SPATA16: variants seen among roughly 807,000 people sequenced by gnomAD.
SPATA16 encodes spermatogenesis-associated protein 16.
A neutral mutation model predicts 63.3 loss-of-function variants in SPATA16; 36 were observed. The observed-to-expected ratio is 0.57, with a 90% CI of 0.44 to 0.75. The LOEUF (loss-of-function observed/expected upper bound fraction) is 0.75. Ranked by LOEUF, SPATA16 falls within the 30% of genes least tolerant of loss-of-function variation. The probability of loss-of-function intolerance (pLI) is 0.00; values close to 1 mark genes in which losing one functional copy is unlikely to be tolerated. For missense variants in SPATA16, 646 were observed against 679.3 expected (o/e 0.95, Z 0.54); for synonymous variants, 203 against 216.7 (o/e 0.94, Z 0.56).
chr3:172,944,827 G>A (rs988204634), intron 6 of SPATA16, among the ~76,000 whole-genome samples: 2 of 152,184 alleles, frequency 1.3e-5, no homozygotes, highest in African/African-American at 4.8e-5. Context: ...GATCTGGGGG[G>A]AGAAGAAAAT....
At position 173,049,838 on chromosome 3, in the gene SPATA16, A is replaced by G. The variant is rs185098154; in HGVS notation, c.613-744T>C. Among the ~76,000 whole-genome samples the G allele has an allele frequency of 8.5e-5, 13 of 152,228 alleles. No homozygotes were observed. The East Asian group carries it at 1.9e-3, about 23-fold the overall frequency. On this transcript the variant is annotated intron_variant, in intron 2 of 10. Coordinates refer to ENST00000351008, the MANE Select transcript of SPATA16 (RefSeq NM_031955.6). ...CCCCAAACATTATGAAGTGTCAATA[A>G]TATGACAAGGGAAGATCGGCACTTT...
intron 6 of SPATA16, among the ~76,000 whole-genome samples, chr3:172,926,947 G>A (rs1732750414): frequency 6.6e-6 from 1 of 152,132 alleles, no homozygotes; most frequent in Non-Finnish European, 1.5e-5. Flanking sequence ...ATTGAATGAT[G>A]GTTTAGTTAA....
chr3:173,002,034 A>G lies in SPATA16; in HGVS notation c.848+17452T>C, dbSNP rs146069454. Among the ~76,000 whole-genome samples the G allele has an allele frequency of 8.1e-4, 124 of 152,296 alleles. 1 individual carries two copies. The highest frequency in any genetic ancestry group is 2.9e-3 in the African/African-American group (121 of 41,570). ...AGAGCTTTTTTTATTTATCTGCCAC[A>G]CATTTATCTATCAAATTATTTTTAT... On this transcript the variant is annotated intron_variant, in intron 4 of 10. Coordinates refer to ENST00000351008, the MANE Select transcript of SPATA16 (RefSeq NM_031955.6).
chr3:172,977,816 CAT>C (rs1216721779), intron 4 of SPATA16, among the ~76,000 whole-genome samples: 1 of 152,106 alleles, frequency 6.6e-6, no homozygotes, highest in East Asian at 1.9e-4. Context: ...GCCAATTAAA[CAT>C]ATAATAATCC....
At chr3:172,968,130 T>A (rs1219413892) in intron 5 of SPATA16, among the ~76,000 whole-genome samples, 1 of 152,176 alleles carries the variant, frequency 6.6e-6, no homozygotes, top group African/African-American at 2.4e-5. Flanking sequence ...CTGTATCAGC[T>A]CTGTTGCCTG....
Position 173,018,357 on chromosome 3 carries a change from C to A in SPATA16, c.848+1129G>T, listed in dbSNP as rs1008464712. On this transcript the variant is annotated intron_variant, in intron 4 of 10. Transcript: ENST00000351008. The stretch of plus-strand genomic sequence containing the variant: ...TGGCGCGATCTCGGCTCACCACAAC[C>A]TCTACCTCCTGGGTTCAAGCGATTC... Among the ~76,000 whole-genome samples, 9 of 151,774 alleles carry A rather than the reference C, an allele frequency of 5.9e-5. No individual in the cohort carries two copies. The East Asian group carries it at 1.7e-3, about 30-fold the overall frequency.
intron 4 of SPATA16, among the ~76,000 whole-genome samples, chr3:172,983,471 T>C (rs1466477784): frequency 6.6e-6 from 1 of 152,130 alleles, no homozygotes; most frequent in Non-Finnish European, 1.5e-5. Context: ...ACCTATTTCA[T>C]GTATGTAATT....
intron 1 of SPATA16, among the ~76,000 whole-genome samples, chr3:173,132,165 T>C (rs914488264): frequency 6.6e-6 from 1 of 152,104 alleles, no homozygotes; most frequent in Non-Finnish European, 1.5e-5. Flanking sequence ...AGTTGAGAAA[T>C]ATACTCTTGG....
intron 5 of SPATA16, among the ~76,000 whole-genome samples, chr3:172,968,198 C>T (rs2108244776): frequency 6.6e-6 from 1 of 152,334 alleles, no homozygotes; most frequent in South Asian, 2.1e-4. Context: ...GCAAGTGAAG[C>T]ACGCTGCCCC....
intron 1 of SPATA16, among the ~76,000 whole-genome samples, chr3:173,137,754 G>T (rs1307408310): frequency 1.3e-5 from 2 of 149,432 alleles, no homozygotes; most frequent in Non-Finnish European, 3.0e-5. Context: ...ACCTAAGAAG[G>T]TTCAGAAGCC....
intron 3 of SPATA16, among the ~76,000 whole-genome samples, chr3:173,025,077 T>A (rs1418361648): frequency 6.6e-6 from 1 of 151,070 alleles, no homozygotes; most frequent in Non-Finnish European, 1.5e-5. Context: ...CTTTTACTGT[T>A]AATTTCCCAT....
At chr3:173,118,766 G>A (rs1577184335) in intron 1 of SPATA16, among the ~76,000 whole-genome samples, 1 of 152,120 alleles carries the variant, frequency 6.6e-6, no homozygotes, top group South Asian at 2.1e-4. Context: ...ACCTTCCTAG[G>A]ACTGCCACTT....
intron 10 of SPATA16, among the ~76,000 whole-genome samples, chr3:172,912,503 A>G (rs569650163): frequency 4.6e-5 from 7 of 152,080 alleles, no homozygotes; most frequent in Non-Finnish European, 1.0e-4. Context: ...TGAAATGTGT[A>G]GGTCCATTTA....
intron 10 of SPATA16, among the ~76,000 whole-genome samples, chr3:172,907,947 C>G (rs1732279965): frequency 6.6e-6 from 1 of 152,168 alleles, no homozygotes; most frequent in Admixed American, 6.5e-5. Context: ...GCATGATATG[C>G]TCCCTCCTCT....
chr3:173,124,253 T>C (rs1738166133), intron 1 of SPATA16, among the ~76,000 whole-genome samples: 1 of 152,240 alleles, frequency 6.6e-6, no homozygotes, highest in African/African-American at 2.4e-5. Context: ...TCTTTTATTA[T>C]TTATTAACTG....
intron 3 of SPATA16, among the ~76,000 whole-genome samples, chr3:173,034,458 C>T (rs1282842994): frequency 6.6e-6 from 1 of 152,120 alleles, no homozygotes; most frequent in African/African-American, 2.4e-5. Context: ...TAAAATTACT[C>T]ATATTAACAT....
Position 173,055,521 on chromosome 3 carries a change from T to TCAC in SPATA16, c.613-6428_613-6427insGTG, listed in dbSNP as rs1240956381. 3.3e-5 allele frequency among the ~76,000 whole-genome samples: 5 copies of TCAC among 152,234 alleles called. No homozygotes were observed. In the East Asian group the frequency reaches 7.7e-4, roughly 23 times the overall value. The stretch of plus-strand genomic sequence containing the variant: ...ATATGCTGAGTAAAAAAATCTGATC[T>TCAC]CAAACTGTTACATACAATATGATTA... On this transcript the variant is annotated intron_variant, in intron 2 of 10. Coordinates refer to ENST00000351008, the MANE Select transcript of SPATA16 (RefSeq NM_031955.6).
intron 2 of SPATA16, among the ~76,000 whole-genome samples, chr3:173,089,647 C>T (rs963383943): frequency 6.6e-6 from 1 of 152,202 alleles, no homozygotes; most frequent in African/African-American, 2.4e-5. Flanking sequence ...GGAATGTGAA[C>T]GACGAGGACA....
intron 2 of SPATA16, among the ~76,000 whole-genome samples, chr3:173,116,893 C>A (rs533777450): frequency 1.5e-4 from 23 of 152,198 alleles, no homozygotes; most frequent in African/African-American, 5.5e-4. Flanking sequence ...ATGAGGTATG[C>A]CTTTGGGGTT....
Sources: gnomAD v4.1 joint callset for allele counts (sites outside exome capture counted in the v4.1 genomes callset) on GRCh38, gnomAD v4.1.1 for gene constraint, MANE v1.5 for transcripts, NCBI Gene and HGNC (gene_info 2026-07-23, HGNC 2026-07-21) for gene names.